Variants in SNX29 observed in about 807,000 individuals in gnomAD.
The protein encoded by SNX29 is sorting nexin 29.
A neutral mutation model predicts 102.1 loss-of-function variants in SNX29; 78 were observed. The ratio of observed to expected loss-of-function variants is 0.76; its 90% CI spans 0.64 to 0.92. The LOEUF is 0.92. SNX29 is among the 40% of genes least tolerant of loss of function. The probability of loss-of-function intolerance (pLI) is 0.00; values close to 1 mark genes in which losing one functional copy is unlikely to be tolerated. For missense variants in SNX29, 1,280 were observed against 1,061.7 expected (o/e 1.21, Z -2.86); for synonymous variants, 580 against 414.5 (o/e 1.40, Z -4.85).
chr16:12,127,367 A>C (rs542396265), intron 12 of SNX29, among the ~76,000 whole-genome samples: 1 of 151,928 alleles, frequency 6.6e-6, no homozygotes. Context: ...AGAACATTTC[A>C]TCACCCCCGA....
intron 14 of SNX29, among the ~76,000 whole-genome samples, chr16:12,240,585 CTT>C (rs1180028807): frequency 2.0e-4 from 13 of 64,804 alleles, no homozygotes; most frequent in African/African-American, 6.8e-4. Context: ...TTTGTCATTT[CTT>C]TTTTTTTTTT....
At chr16:12,412,147 T>C (rs2084422350) in intron 18 of SNX29, among the ~76,000 whole-genome samples, 1 of 152,176 alleles carries the variant, frequency 6.6e-6, no homozygotes, top group Non-Finnish European at 1.5e-5. Context: ...GGCCATCGGG[T>C]AGGACGCCCC....
At chr16:12,235,636 C>G (rs1013501321) in intron 14 of SNX29, among the ~76,000 whole-genome samples, 1 of 152,022 alleles carries the variant, frequency 6.6e-6, no homozygotes, top group African/African-American at 2.4e-5. Context: ...AGTAGCAAGA[C>G]TCAAAATAAC....
Position 12,573,569 on chromosome 16 carries a change from T to G in SNX29, c.*4940T>G, listed in dbSNP as rs376621689. The G allele has an allele frequency of 1.8e-5, 4 of 223,402 alleles. No homozygotes were observed. The East Asian group carries it at 2.6e-4, about 15-fold the overall frequency. The allele number at this position is 223,402 out of a possible 1,614,324, so 13.8% of individuals were successfully genotyped here. A position where few individuals can be genotyped will look rare whatever the true frequency, so the allele number is the denominator to read the frequency against. On this transcript the variant is annotated 3_prime_UTR_variant, in exon 21 of 21. Transcript: ENST00000566228. ...TTTCCCATCCTAACCGGAAAACCAC[T>G]CACCCAGGCTTCCCCCACTTCCCCT...
At chr16:12,079,692 G>A (rs2051767119) in intron 11 of SNX29, among the ~76,000 whole-genome samples, 1 of 152,170 alleles carries the variant, frequency 6.6e-6, no homozygotes, top group Non-Finnish European at 1.5e-5. Context: ...GGTGGTTAAG[G>A]AGATGTGATG....
At chr16:12,565,807 C>T (rs541032622) in intron 20 of SNX29, among the ~76,000 whole-genome samples, 1 of 152,204 alleles carries the variant, frequency 6.6e-6, no homozygotes, top group Non-Finnish European at 1.5e-5. Context: ...CACAGCAACC[C>T]TCAGCTCACT....
At chr16:12,360,586 C>T (rs1048974357) in intron 16 of SNX29, among the ~76,000 whole-genome samples, 10 of 152,062 alleles carry the variant, frequency 6.6e-5, no homozygotes, top group African/African-American at 1.5e-4. Context: ...ATTGGAGGTG[C>T]GAGTTCACAC....
chr16:12,121,479 G>GC (rs1245683574), intron 11 of SNX29, among the ~76,000 whole-genome samples: 1 of 152,262 alleles, frequency 6.6e-6, no homozygotes, highest in Non-Finnish European at 1.5e-5. Context: ...CCCTTGGGTA[G>GC]CCGCCTTGGC....
intron 15 of SNX29, among the ~76,000 whole-genome samples, chr16:12,338,447 C>T (rs565831812): frequency 3.3e-5 from 5 of 152,214 alleles, no homozygotes; most frequent in Non-Finnish European, 5.9e-5. Flanking sequence ...CAAGGAAGCT[C>T]ATCCCCTCTT....
intron 1 of SNX29, among the ~76,000 whole-genome samples, chr16:11,992,243 A>G (rs892931955): frequency 2.0e-5 from 3 of 152,076 alleles, no homozygotes; most frequent in African/African-American, 7.2e-5. Flanking sequence ...GCAGTGAGCT[A>G]TGATCATGCC....
At chr16:12,141,284 T>C (rs1324382062) in intron 13 of SNX29, among the ~76,000 whole-genome samples, 1 of 152,214 alleles carries the variant, frequency 6.6e-6, no homozygotes, top group East Asian at 1.9e-4. Context: ...AGTAGGCTGA[T>C]CTTGGTTGTG....
At chr16:12,518,094 G>T (rs1475182013) in intron 19 of SNX29, among the ~76,000 whole-genome samples, 1 of 152,218 alleles carries the variant, frequency 6.6e-6, no homozygotes. Context: ...GTTTAGTCGT[G>T]TGTGCTGGGA....
chr16:12,088,151 G>A, intron 11 of SNX29: 2 of 456,414 alleles, frequency 4.4e-6, no homozygotes, highest in South Asian at 3.1e-5. Context: ...TCTGCAGCAG[G>A]CCTCACAGTG....
chr16:12,271,937 G>A (rs370883040), intron 14 of SNX29, among the ~76,000 whole-genome samples: 5 of 152,008 alleles, frequency 3.3e-5, no homozygotes, highest in African/African-American at 1.2e-4. Context: ...GTCCATCTTC[G>A]AAGCTGCTTA....
chr16:12,125,727 G>C (rs78266574), intron 11 of SNX29, among the ~76,000 whole-genome samples: 11,185 of 149,160 alleles, frequency 0.075, 604 homozygotes, highest in East Asian at 0.25. Context: ...ACAGTGTTGG[G>C]ACTGCAAGCA....
chr16:12,336,323 A>G (rs2081449012), intron 15 of SNX29, among the ~76,000 whole-genome samples: 1 of 152,200 alleles, frequency 6.6e-6, no homozygotes, highest in Non-Finnish European at 1.5e-5. Context: ...GAAGCCGTAA[A>G]TAAATTTGAT....
intron 4 of SNX29, among the ~76,000 whole-genome samples, chr16:12,033,577 A>C (rs1245449198): frequency 6.6e-6 from 1 of 151,046 alleles, no homozygotes; most frequent in Non-Finnish European, 1.5e-5. Context: ...TCTTCCATCA[A>C]ACCTATGTAT....
intron 15 of SNX29, among the ~76,000 whole-genome samples, chr16:12,330,446 T>G (rs542600649): frequency 6.6e-6 from 1 of 152,190 alleles, no homozygotes; most frequent in South Asian, 2.1e-4. Flanking sequence ...CAGCCTGAAA[T>G]GGGCTTGACG....
intron 17 of SNX29, among the ~76,000 whole-genome samples, chr16:12,399,558 G>C (rs1328508513): frequency 6.6e-6 from 1 of 152,352 alleles, no homozygotes; most frequent in East Asian, 1.9e-4. Flanking sequence ...GCTGGCCTGC[G>C]TTGAAATCTC....
Sources: allele counts gnomAD v4.1 joint callset (sites outside exome capture counted in the v4.1 genomes callset), GRCh38; gene constraint gnomAD v4.1.1; transcripts MANE v1.5; gene names NCBI Gene and HGNC (gene_info 2026-07-23, HGNC 2026-07-21).